BAZ1A: variants seen among roughly 807,000 people sequenced by gnomAD.
BAZ1A encodes bromodomain adjacent to zinc finger domain 1A.
BAZ1A carries 50 observed loss-of-function variants against 185.2 expected under a neutral mutation model. That is an observed-to-expected ratio of 0.27 (90% CI 0.22 to 0.34). BAZ1A has a LOEUF of 0.34. BAZ1A is among the 10% of genes least tolerant of loss of function. BAZ1A has a pLI of 1.00. For missense variants in BAZ1A, 1,356 were observed against 1,839.9 expected (o/e 0.74, Z 4.81); for synonymous variants, 571 against 615.6 (o/e 0.93, Z 1.07).
Position 34,771,544 on chromosome 14 carries a change from C to T in BAZ1A, c.3268G>A (p.Gly1090Ser). The change falls in exon 21 of 27, where the codon GGC (glycine) becomes AGC (serine). Residue 1090 changes from glycine (G) to serine (S), a missense_variant. Around this residue, in one of 7 missense-constraint regions of BAZ1A, gnomAD observed 434 missense variants for 561.7 expected, o/e 0.77. Transcript: ENST00000360310. The stretch of plus-strand genomic sequence containing the variant: ...GCTTTCAGAAAACGCCGCTCAATGC[C>T]CTGCTCTATTTGAAAGAGTGCCATT... ...LAMALFQIEQ[G>S]IERRFLKAPL... The T allele has an allele frequency of 6.2e-7, 1 of 1,613,706 alleles. No individual in the cohort carries two copies. The highest frequency in any genetic ancestry group is 8.5e-7 in the Non-Finnish European group (1 of 1,179,884).
intron 26 of BAZ1A, among the ~76,000 whole-genome samples, chr14:34,754,055 C>A (rs976058747): frequency 6.6e-6 from 1 of 151,878 alleles, no homozygotes; most frequent in South Asian, 2.1e-4. Flanking sequence ...GAGTTCGACA[C>A]CAGCCTGGGC....
chr14:34,872,875 T>TTA (rs1555346572), intron 2 of BAZ1A, among the ~76,000 whole-genome samples: 3 of 142,910 alleles, frequency 2.1e-5, no homozygotes, highest in South Asian at 2.2e-4. Flanking sequence ...GTTTTTTTTT[T>TTA]ATCGTAATTG....
chr14:34,778,275 A>G (rs1879788795), intron 17 of BAZ1A, among the ~76,000 whole-genome samples: 1 of 152,210 alleles, frequency 6.6e-6, no homozygotes, highest in African/African-American at 2.4e-5. Context: ...ATTTTGGAAC[A>G]TGAGAATGGC....
chr14:34,863,516 C>G (rs2138824146), intron 2 of BAZ1A, among the ~76,000 whole-genome samples: 1 of 151,828 alleles, frequency 6.6e-6, no homozygotes, highest in Non-Finnish European at 1.5e-5. Flanking sequence ...TCATGTTGGC[C>G]AGGCTGGTCT....
chr14:34,812,972 C>T (rs1403750526), intron 4 of BAZ1A, among the ~76,000 whole-genome samples: 1 of 151,974 alleles, frequency 6.6e-6, no homozygotes, highest in Admixed American at 6.6e-5. Flanking sequence ...ATTTTCTATT[C>T]TATTAAAGTT....
intron 3 of BAZ1A, among the ~76,000 whole-genome samples, chr14:34,842,914 C>G (rs935505058): frequency 6.6e-6 from 1 of 151,998 alleles, no homozygotes; most frequent in African/African-American, 2.4e-5. Flanking sequence ...TATGCTCTCC[C>G]AAAGCCCTAG....
At chr14:34,858,134 T>C (rs915132637) in intron 3 of BAZ1A, among the ~76,000 whole-genome samples, 20 of 152,248 alleles carry the variant, frequency 1.3e-4, no homozygotes, top group African/African-American at 4.1e-4. Flanking sequence ...AATATGTTAA[T>C]AGTGCCAAGG....
chr14:34,816,347 A>C (rs968972844), intron 4 of BAZ1A, among the ~76,000 whole-genome samples: 1 of 152,070 alleles, frequency 6.6e-6, no homozygotes, highest in Admixed American at 6.6e-5. Context: ...CTGGCCTCCC[A>C]AAGTGCTGAG....
chr14:34,756,005 T>C (rs941998657), intron 25 of BAZ1A, among the ~76,000 whole-genome samples: 2 of 151,784 alleles, frequency 1.3e-5, no homozygotes, highest in Admixed American at 1.3e-4. Flanking sequence ...CTTTTTCTTT[T>C]TTTTTTTGTA....
intron 3 of BAZ1A, among the ~76,000 whole-genome samples, chr14:34,839,539 CAAA>C (rs35964410): frequency 1.2e-5 from 1 of 80,962 alleles, no homozygotes. Context: ...AACTATCTTT[CAAA>C]AAAAAAAAAA....
intron 10 of BAZ1A, among the ~76,000 whole-genome samples, chr14:34,795,229 A>G (rs1221190895): frequency 6.6e-6 from 1 of 152,252 alleles, no homozygotes; most frequent in Non-Finnish European, 1.5e-5. Flanking sequence ...GCTGTGAAAT[A>G]CTACCTTCAA....
In BAZ1A at chr14:34,783,790, G is replaced by T; in HGVS notation, c.1969C>A (p.Arg657=). The part of the protein sequence containing the change: ...EFRELKAEQH[R]KEREEAAARI... ...GCAGCTGCTTCTTCCCTCTCTTTTC[G>T]ATGTTGTTCTGCTTTTAATTCCCGG... The change falls in exon 15 of 27, where the codon CGA becomes AGA. Residue 657 remains arginine (R), a synonymous_variant. Transcript: ENST00000360310. 2.5e-6 allele frequency: 4 copies of T among 1,609,428 alleles called. No homozygotes were observed. Among genetic ancestry groups the T allele is most frequent in the Non-Finnish European group, 3.4e-6 (4 of 1,178,434 alleles).
intron 24 of BAZ1A, among the ~76,000 whole-genome samples, chr14:34,759,184 T>TTTTTTTGTTTTTTG (rs1555336968): frequency 1.8e-5 from 2 of 108,108 alleles, no homozygotes; most frequent in South Asian, 3.7e-4. Context: ...TTTTTTTTTT[T>TTTTTTTGTTTTTTG]TTTTTTTTTT....
chr14:34,865,204 T>C (rs1449625648), intron 2 of BAZ1A, among the ~76,000 whole-genome samples: 15 of 152,112 alleles, frequency 9.9e-5, no homozygotes, highest in Admixed American at 9.8e-4. Flanking sequence ...GCCACAATCA[T>C]GCCACTGCAC....
intron 25 of BAZ1A, among the ~76,000 whole-genome samples, chr14:34,757,417 C>A (rs1360544390): frequency 2.7e-5 from 4 of 146,224 alleles, no homozygotes; most frequent in Non-Finnish European, 5.9e-5. Flanking sequence ...GTAATCTCAG[C>A]ATTTTGGGAG....
intron 24 of BAZ1A, among the ~76,000 whole-genome samples, chr14:34,761,014 C>G (rs994441216): frequency 6.6e-6 from 1 of 151,866 alleles, no homozygotes; most frequent in African/African-American, 2.4e-5. Context: ...CGCGGTGGCT[C>G]ACGCCTATAA....
At chr14:34,817,876 C>G (rs1187839303) in intron 4 of BAZ1A, among the ~76,000 whole-genome samples, 1 of 152,162 alleles carries the variant, frequency 6.6e-6, no homozygotes, top group African/African-American at 2.4e-5. Flanking sequence ...CTGGAACCCT[C>G]TGATACTGCA....
rs746483135 is a variant in BAZ1A at position 34,753,556 on chromosome 14, A to G, written c.4623T>C (p.Asn1541=). ...CCGGTGGTGTGCTAACTTGGTCCAC[A>G]TTACTGGGTGTGACGTGGAGTCCAA... ...QKLGLHVTPS[N]VDQVSTPPAA... The change falls in exon 27 of 27, where the codon AAT becomes AAC. Residue 1541 remains asparagine, a synonymous_variant. Coordinates refer to ENST00000360310, the MANE Select transcript of BAZ1A (RefSeq NM_013448.3). 1.1e-5 allele frequency: 17 copies of G among 1,613,994 alleles called. 1 individual carries two copies. In the South Asian group the frequency reaches 1.2e-4, roughly 11 times the overall value.
intron 2 of BAZ1A, 60 bp from the exon 3 acceptor site, chr14:34,862,382 A>T: frequency 6.5e-7 from 1 of 1,529,580 alleles, no homozygotes; most frequent in Non-Finnish European, 8.7e-7. Context: ...CAAATTTTAC[A>T]TTAAAAACTG....
Sources: allele counts gnomAD v4.1 joint callset (sites outside exome capture counted in the v4.1 genomes callset), GRCh38; gene constraint gnomAD v4.1.1; regional missense constraint gnomAD v4.1.1; transcripts MANE v1.5; gene names NCBI Gene and HGNC (gene_info 2026-07-23, HGNC 2026-07-21).